TMEM132B: variants seen among roughly 807,000 people sequenced by gnomAD.
The protein encoded by TMEM132B is transmembrane protein 132B.
A neutral mutation model predicts 90.8 loss-of-function variants in TMEM132B; 18 were observed. The ratio of observed to expected loss-of-function variants is 0.20; its 90% CI spans 0.14 to 0.29. The LOEUF is 0.29. Among genes scored for constraint, TMEM132B ranks in the 10% least tolerant of loss-of-function variants. TMEM132B has a pLI of 1.00. For missense variants in TMEM132B, 1,096 were observed against 1,326.8 expected (o/e 0.83, Z 2.70); for synonymous variants, 504 against 523.3 (o/e 0.96, Z 0.50).
intron 1 of TMEM132B, among the ~76,000 whole-genome samples, chr12:125,215,068 C>T (rs900503227): frequency 7.9e-5 from 12 of 152,222 alleles, no homozygotes; most frequent in African/African-American, 2.4e-4. Context: ...CCCCCTATTG[C>T]CAGCCTCTTG....
chr12:125,216,005 C>T (rs185466628), intron 1 of TMEM132B, among the ~76,000 whole-genome samples: 1 of 152,368 alleles, frequency 6.6e-6, no homozygotes, highest in African/African-American at 2.4e-5. Context: ...TTACCACAGC[C>T]ATCTTTATCT....
At chr12:125,560,445 C>T (rs11058244) in intron 4 of TMEM132B, among the ~76,000 whole-genome samples, 3 of 152,204 alleles carry the variant, frequency 2.0e-5, no homozygotes, top group Non-Finnish European at 4.4e-5. Flanking sequence ...TGAAAGAAAG[C>T]TCTTCATCAC....
intron 3 of TMEM132B, among the ~76,000 whole-genome samples, chr12:125,494,242 G>A (rs1377642681): frequency 2.1e-4 from 18 of 85,436 alleles, no homozygotes; most frequent in Middle Eastern, 0.015. Context: ...GGAAATGGCC[G>A]TGTCCCTCTT....
chr12:125,307,852 A>ATAATACAAG (rs1876028446), intron 1 of TMEM132B, among the ~76,000 whole-genome samples: 1 of 35,286 alleles, frequency 2.8e-5, no homozygotes, highest in Non-Finnish European at 5.9e-5. Context: ...ATATATACTT[A>ATAATACAAG]TATATTTATA....
intron 1 of TMEM132B, among the ~76,000 whole-genome samples, chr12:125,319,387 C>T (rs191127378): frequency 3.5e-4 from 54 of 152,312 alleles, no homozygotes; most frequent in Middle Eastern, 3.4e-3. Flanking sequence ...TGGGTCCCAA[C>T]GCCTCCACAT....
At chr12:125,413,522 C>T (rs1879916808) in intron 2 of TMEM132B, among the ~76,000 whole-genome samples, 1 of 152,162 alleles carries the variant, frequency 6.6e-6, no homozygotes, top group Non-Finnish European at 1.5e-5. Context: ...TTCCCCAGTC[C>T]CTGGAAACCA....
At chr12:125,287,961 G>A (rs1055367655) in intron 1 of TMEM132B, among the ~76,000 whole-genome samples, 8 of 151,902 alleles carry the variant, frequency 5.3e-5, no homozygotes, top group Non-Finnish European at 8.8e-5. Context: ...TCTGCCTCCC[G>A]GGTTCAAGCG....
At chr12:125,411,367 G>T (rs906108621) in intron 2 of TMEM132B, among the ~76,000 whole-genome samples, 21 of 76,534 alleles carry the variant, frequency 2.7e-4, no homozygotes, top group South Asian at 1.4e-3. Context: ...TCAGAGGGTG[G>T]GGGGGGGCCT....
chr12:125,389,887 A>G (rs918878518), intron 2 of TMEM132B, among the ~76,000 whole-genome samples: 2 of 152,178 alleles, frequency 1.3e-5, no homozygotes, highest in African/African-American at 4.8e-5. Flanking sequence ...TTTAAAGAAA[A>G]CTTTATATAG....
intron 4 of TMEM132B, among the ~76,000 whole-genome samples, chr12:125,563,595 AAAC>A (rs796705909): frequency 2.5e-4 from 38 of 150,226 alleles, no homozygotes; most frequent in South Asian, 1.7e-3. Context: ...ACAAACAAAC[AAAC>A]AAAAAAAAAC....
intron 5 of TMEM132B, chr12:125,588,360 C>T (rs576597129): frequency 6.6e-6 from 1 of 152,366 alleles, no homozygotes; most frequent in African/African-American, 2.4e-5. Flanking sequence ...TCCCCAGTCT[C>T]ACTGGGTCAT....
chr12:125,624,484 G>A (rs2136977518), intron 5 of TMEM132B, among the ~76,000 whole-genome samples: 1 of 152,278 alleles, frequency 6.6e-6, no homozygotes, highest in South Asian at 2.1e-4. Context: ...TCCAATAAGG[G>A]CAGAGAAGTG....
chr12:125,367,819 C>A (rs2136264169), intron 2 of TMEM132B, among the ~76,000 whole-genome samples: 1 of 152,192 alleles, frequency 6.6e-6, no homozygotes, highest in Non-Finnish European at 1.5e-5. Context: ...CAACCATTAC[C>A]AGAAATAGAT....
chr12:125,304,213 G>A (rs187778623), intron 1 of TMEM132B, among the ~76,000 whole-genome samples: 18 of 152,372 alleles, frequency 1.2e-4, no homozygotes, highest in Admixed American at 2.6e-4. Flanking sequence ...TAACGTGAGC[G>A]ATGGGGAGCG....
At chr12:125,444,467 A>G (rs1880951961) in intron 3 of TMEM132B, among the ~76,000 whole-genome samples, 1 of 152,192 alleles carries the variant, frequency 6.6e-6, no homozygotes, top group Non-Finnish European at 1.5e-5. Context: ...ATGTTACATA[A>G]TTTAATTTCC....
chr12:125,397,522 C>A (rs77622949), intron 2 of TMEM132B, among the ~76,000 whole-genome samples: 78 of 152,358 alleles, frequency 5.1e-4, no homozygotes, highest in African/African-American at 1.9e-3. Flanking sequence ...CTAATTGAAT[C>A]ATGAGAAACC....
chr12:125,566,835 CTTTTTTTTTTTTTTTTTT>C (rs869196346), intron 4 of TMEM132B, among the ~76,000 whole-genome samples: 1 of 78,738 alleles, frequency 1.3e-5, no homozygotes, highest in Non-Finnish European at 2.2e-5. Flanking sequence ...TCTTCTTCTT[CTTTTTTTTTTTTTTTTTT>C]TTTTTTTTTA....
chr12:125,359,474 A>G (rs1877892379), intron 2 of TMEM132B, among the ~76,000 whole-genome samples: 1 of 152,168 alleles, frequency 6.6e-6, no homozygotes, highest in African/African-American at 2.4e-5. Context: ...ACCCCAGATC[A>G]TATTAGTAAA....
chr12:125,606,343 A>G (rs1156527004), intron 5 of TMEM132B, among the ~76,000 whole-genome samples: 1 of 147,758 alleles, frequency 6.8e-6, no homozygotes, highest in African/African-American at 2.5e-5. Flanking sequence ...CTCATGCGAC[A>G]GGGAAAGATG....
Sources: allele counts gnomAD v4.1 joint callset (sites outside exome capture counted in the v4.1 genomes callset), GRCh38; gene constraint gnomAD v4.1.1; transcripts MANE v1.5; gene names NCBI Gene and HGNC (gene_info 2026-07-23, HGNC 2026-07-21).